Variants in SPEF2 observed in about 807,000 individuals in gnomAD.
The protein encoded by SPEF2 is sperm flagella and cilia-associated protein 2.
SPEF2 carries 187 observed loss-of-function variants against 224.6 expected under a neutral mutation model. The ratio of observed to expected loss-of-function variants is 0.83; its 90% CI spans 0.74 to 0.94. SPEF2 has a LOEUF of 0.94. SPEF2 is among the 40% of genes least tolerant of loss of function. SPEF2 has a pLI of 0.00. For synonymous variants in SPEF2, 715 were observed against 707.3 expected, an observed-to-expected ratio of 1.01 and a Z score of -0.17; for missense variants, 2,170 against 2,135.6, an observed-to-expected ratio of 1.02 and a Z score of -0.32.
chr5:35,742,548 A>G (rs1360863490), intron 23 of SPEF2, among the ~76,000 whole-genome samples: 1 of 151,880 alleles, frequency 6.6e-6, no homozygotes, highest in African/African-American at 2.4e-5. Flanking sequence ...CTTTTTTGTT[A>G]ATCTTTGCCA....
At chr5:35,687,372 G>A (rs936177651) in intron 10 of SPEF2, among the ~76,000 whole-genome samples, 7 of 150,800 alleles carry the variant, frequency 4.6e-5, no homozygotes, top group Non-Finnish European at 8.8e-5. Context: ...AAGTGCTTTC[G>A]TAACTTACAA....
Position 35,763,699 on chromosome 5 carries a change from C to T in SPEF2, c.3798C>T (p.His1266=). ...AGCAGGCTTCTTTAGCAGTATCTCA[C>T]ATGGTAAGCAGTGCTCGTTATATTT... is the stretch of plus-strand genomic sequence containing the variant. ...TWQQASLAVS[H]MVAAEIHQRL... The change falls in exon 26 of 37, where the codon CAC becomes CAT. Residue 1266 remains histidine (H), a synonymous_variant. Transcript: ENST00000356031. 4.4e-6 allele frequency: 7 copies of T among 1,608,094 alleles called. No homozygotes were observed. The highest frequency in any genetic ancestry group is 5.9e-6 in the Non-Finnish European group (7 of 1,178,156).
chr5:35,704,627 T>C lies in SPEF2; in HGVS notation c.2472T>C (p.Asp824=). Residue 824 remains aspartate, a synonymous_variant, in exon 17 of 37, where the codon GAT becomes GAC. Transcript: ENST00000356031. ...QRVAAENQDK[D]GDQNLRDQIQ... is the part of the protein sequence containing the mutation. The stretch of plus-strand genomic sequence containing the variant: ...TAGCTGCTGAAAACCAAGATAAGGA[T>C]GGAGACCAAAATTTAAGAGACCAGA... 1 of 1,612,752 alleles carries C rather than the reference T, an allele frequency of 6.2e-7. No individual in the cohort carries two copies. Among genetic ancestry groups the C allele is most frequent in the Non-Finnish European group, 8.5e-7 (1 of 1,179,120 alleles).
At chr5:35,802,840 C>T (rs1561389451) in intron 34 of SPEF2, among the ~76,000 whole-genome samples, 1 of 152,168 alleles carries the variant, frequency 6.6e-6, no homozygotes, top group Non-Finnish European at 1.5e-5. Context: ...GGGACCTTAG[C>T]TTTAACTCTA....
chr5:35,737,388 G>A (rs1483726968), intron 21 of SPEF2, among the ~76,000 whole-genome samples: 8 of 99,732 alleles, frequency 8.0e-5, no homozygotes, highest in Admixed American at 4.8e-4. Flanking sequence ...AACAGGCCCC[G>A]GGATGTAATG....
chr5:35,634,749 G>T (rs180760554), intron 2 of SPEF2, among the ~76,000 whole-genome samples: 35 of 152,096 alleles, frequency 2.3e-4, no homozygotes, highest in Non-Finnish European at 3.7e-4. Context: ...ATAATACAGA[G>T]ATTTCCTATA....
chr5:35,653,737 G>C (rs1748527494), intron 6 of SPEF2, among the ~76,000 whole-genome samples: 1 of 152,048 alleles, frequency 6.6e-6, no homozygotes, highest in Non-Finnish European at 1.5e-5. Flanking sequence ...ATGAGGTCAG[G>C]AGTTCGAGAC....
At chr5:35,622,222 T>C (rs1175510046) in intron 1 of SPEF2, among the ~76,000 whole-genome samples, 1 of 152,164 alleles carries the variant, frequency 6.6e-6, no homozygotes, top group Non-Finnish European at 1.5e-5. Flanking sequence ...GTAGCATTTG[T>C]TTTTGGAGAG....
intron 34 of SPEF2, among the ~76,000 whole-genome samples, chr5:35,804,634 TAA>T: frequency 6.6e-6 from 1 of 152,212 alleles, no homozygotes; most frequent in Non-Finnish European, 1.5e-5. Context: ...AGCAAACATG[TAA>T]AAAGAGTCCT....
At chr5:35,700,920 T>G (rs938751065) in intron 16 of SPEF2, among the ~76,000 whole-genome samples, 168 bp downstream of exon 16, 1 of 152,224 alleles carries the variant, frequency 6.6e-6, no homozygotes, top group Non-Finnish European at 1.5e-5. Context: ...ACTGTTAGCA[T>G]TCAGCGCTGT....
intron 20 of SPEF2, among the ~76,000 whole-genome samples, chr5:35,722,488 T>C (rs1308265542): frequency 4.0e-5 from 6 of 151,394 alleles, no homozygotes; most frequent in Non-Finnish European, 5.9e-5. Context: ...AGGTTTTTTT[T>C]CTTTTATTAT....
At chr5:35,672,036 C>A (rs913392224) in intron 10 of SPEF2, among the ~76,000 whole-genome samples, 9 of 151,534 alleles carry the variant, frequency 5.9e-5, no homozygotes, top group Non-Finnish European at 1.2e-4. Flanking sequence ...AATGTTCCTA[C>A]ATACAAGTAA....
At chr5:35,694,813 A>T (rs1755058398) in intron 13 of SPEF2, among the ~76,000 whole-genome samples, 1 of 152,292 alleles carries the variant, frequency 6.6e-6, no homozygotes, top group Non-Finnish European at 1.5e-5. Context: ...TCCTAAATTT[A>T]TTCTCAGCCT....
chr5:35,676,663 A>G (rs1194786319), intron 10 of SPEF2, among the ~76,000 whole-genome samples: 1 of 152,076 alleles, frequency 6.6e-6, no homozygotes, highest in East Asian at 1.9e-4. Context: ...CGGGAGTCAG[A>G]GGTTTCAGTG....
intron 2 of SPEF2, among the ~76,000 whole-genome samples, chr5:35,638,720 C>A (rs866442011): frequency 6.6e-6 from 1 of 152,052 alleles, no homozygotes; most frequent in Non-Finnish European, 1.5e-5. Flanking sequence ...GCCCAAACAA[C>A]GTTTAATGAA....
At chr5:35,755,169 C>T (rs554304523) in intron 24 of SPEF2, among the ~76,000 whole-genome samples, 3 of 152,196 alleles carry the variant, frequency 2.0e-5, no homozygotes, top group Non-Finnish European at 4.4e-5. Flanking sequence ...TCATCCAAAG[C>T]AGAGGACAAA....
chr5:35,811,982 T>G (rs561849188), intron 36 of SPEF2, among the ~76,000 whole-genome samples: 1 of 151,616 alleles, frequency 6.6e-6, no homozygotes, highest in East Asian at 1.9e-4. Context: ...TAGAGATGGG[T>G]TTTCAATGTG....
chr5:35,793,390 C>A, intron 32 of SPEF2, 49 bp downstream of exon 32: 1 of 1,556,576 alleles, frequency 6.4e-7, no homozygotes, highest in Non-Finnish European at 8.7e-7. Context: ...CACTTGTGAC[C>A]TAAGAAGTGA....
At chr5:35,751,094 C>T (rs866522108) in intron 23 of SPEF2, among the ~76,000 whole-genome samples, 396 of 20,416 alleles carry the variant, frequency 0.019, 3 homozygotes, top group Middle Eastern at 0.056. Context: ...CACACACACA[C>T]ACATATATAT....
Sources: allele counts gnomAD v4.1 joint callset (sites outside exome capture counted in the v4.1 genomes callset), GRCh38; gene constraint gnomAD v4.1.1; transcripts MANE v1.5; gene names NCBI Gene and HGNC (gene_info 2026-07-23, HGNC 2026-07-21).